BRAF: variants seen among roughly 807,000 people sequenced by gnomAD.
The protein encoded by BRAF is B-Raf proto-oncogene, serine/threonine kinase, also known as serine/threonine-protein kinase B-raf.
A neutral mutation model predicts 104.6 loss-of-function variants in BRAF; 16 were observed. The ratio of observed to expected loss-of-function variants is 0.15; its 90% confidence interval spans 0.10 to 0.23. The LOEUF is 0.23. BRAF is among the 10% of genes least tolerant of loss of function. The probability of loss-of-function intolerance (pLI) is 1.00; values close to 1 mark genes in which losing one functional copy is unlikely to be tolerated. For missense variants in BRAF, 541 were observed against 937.3 expected (o/e 0.58, Z 5.52); for synonymous variants, 310 against 341.6 (o/e 0.91, Z 1.02).
chr7:140,721,730 C>T lies in BRAF; in HGVS notation c.*4764G>A, dbSNP rs1030200112. 1 of 1,516,088 alleles carries T rather than the reference C, an allele frequency of 6.6e-7. No homozygotes were observed. The highest frequency in any genetic ancestry group is 1.4e-5 in the African/African-American group (1 of 71,894). The allele number at this position is 1,516,088 out of a possible 1,614,324, so 93.9% of individuals were successfully genotyped here. The stretch of plus-strand genomic sequence containing the variant: ...GTGCTGGAGACAATACATGGACTTT[C>T]TCTTTCAATGGTGAGGAATGAAACA... On this transcript the variant is annotated 3_prime_UTR_variant, in exon 20 of 20. Coordinates refer to ENST00000644969, the MANE Select transcript of BRAF (RefSeq NM_001374258.1).
intron 17 of BRAF, chr7:140,740,262 C>T: frequency 8.6e-6 from 2 of 233,592 alleles, no homozygotes; most frequent in East Asian, 8.9e-5. Flanking sequence ...GACAGTGCCT[C>T]TTCTTTACTT....
chr7:140,803,985 A>G (rs1406116629), intron 5 of BRAF, among the ~76,000 whole-genome samples: 3 of 152,012 alleles, frequency 2.0e-5, no homozygotes, highest in African/African-American at 7.3e-5. Context: ...CCTGGTTTCA[A>G]GTGATTCTCC....
chr7:140,760,149 A>C (rs1224865555), intron 14 of BRAF, among the ~76,000 whole-genome samples: 1 of 152,214 alleles, frequency 6.6e-6, no homozygotes, highest in Non-Finnish European at 1.5e-5. Flanking sequence ...ACAGTGGATC[A>C]TGCCTGTAAT....
At chr7:140,875,469 G>A (rs997411659) in intron 1 of BRAF, among the ~76,000 whole-genome samples, 25 of 152,148 alleles carry the variant, frequency 1.6e-4, no homozygotes, top group African/African-American at 6.0e-4. Context: ...TCCGCCTCCC[G>A]GGCTCAAGCG....
chr7:140,794,556 G>C, intron 7 of BRAF, 89 bp from the exon 8 acceptor site: 2 of 1,428,290 alleles, frequency 1.4e-6, no homozygotes, highest in Non-Finnish European at 1.9e-6. Context: ...GGATTTTCTT[G>C]TTTTTATATT....
chr7:140,787,940 C>G (rs1210463400), intron 8 of BRAF, among the ~76,000 whole-genome samples: 1 of 152,046 alleles, frequency 6.6e-6, no homozygotes, highest in Non-Finnish European at 1.5e-5. Context: ...ATGATAAGAA[C>G]AAGTGGACAC....
In BRAF at chr7:140,787,433, C is replaced by A. The variant is rs946074871; in HGVS notation, c.1177+115G>T. ...AGAAAAACAAAAAAATTTTGGGTTTCTCTACACATTTTTCTCTGTGTCTGT... is the reference window on the plus strand; with the variant it reads ...AGAAAAACAAAAAAATTTTGGGTTTATCTACACATTTTTCTCTGTGTCTGT... On this transcript the variant is annotated intron_variant, in intron 9 of 19. Transcript: ENST00000644969. The A allele has an allele frequency of 4.4e-6, 5 of 1,144,144 alleles. No individual in the cohort carries two copies. The African/African-American group carries it at 4.7e-5, about 11-fold the overall frequency. The allele number at this position is 1,144,144 out of a possible 1,614,324, so 70.9% of individuals were successfully genotyped here.
rs553041666 is a variant in BRAF, at chr7:140,901,129, C to T, written c.138+23437G>A. ...TAAGCAAAGTGTGTCTATTTCTAAG[C>T]TTCCTATGTTAAAAGAAATTAATAG... On this transcript the variant is annotated intron_variant, in intron 1 of 19. Coordinates refer to ENST00000644969, the MANE Select transcript of BRAF (RefSeq NM_001374258.1). Among the ~76,000 whole-genome samples the T allele has an allele frequency of 3.9e-5, 6 of 152,224 alleles. No homozygotes were observed. In the South Asian group the frequency reaches 1.2e-3, roughly 32 times the overall value.
chr7:140,845,154 A>G (rs975344556), intron 2 of BRAF, among the ~76,000 whole-genome samples: 9 of 152,212 alleles, frequency 5.9e-5, no homozygotes, highest in African/African-American at 2.2e-4. Flanking sequence ...AAGGCCATTC[A>G]GTCTTTTCCA....
chr7:140,922,223 A>C (rs1438418881), intron 1 of BRAF, among the ~76,000 whole-genome samples: 1 of 152,244 alleles, frequency 6.6e-6, no homozygotes, highest in Non-Finnish European at 1.5e-5. Flanking sequence ...GTATCCTTAT[A>C]GTTTCAGAAG....
chr7:140,886,021 C>A (rs1467803430), intron 1 of BRAF, among the ~76,000 whole-genome samples: 1 of 152,136 alleles, frequency 6.6e-6, no homozygotes, highest in African/African-American at 2.4e-5. Context: ...GAAAAATCTT[C>A]AACAGAGTTT....
Position 140,916,360 on chromosome 7 carries a change from A to C in BRAF, c.138+8206T>G, listed in dbSNP as rs562999876. Among the ~76,000 whole-genome samples, 255 of 152,346 alleles carry C rather than the reference A, an allele frequency of 1.7e-3. 2 individuals carry two copies. Among genetic ancestry groups the C allele is most frequent in the Non-Finnish European group, 3.2e-3 (215 of 68,028 alleles). On this transcript the variant is annotated intron_variant, in intron 1 of 19. Transcript: ENST00000644969. ...CTACCATATGCCTTTCCTTAGAAGA[A>C]ACATAATGATTTAATGATGCCCCTA... is the stretch of plus-strand genomic sequence containing the variant.
intron 1 of BRAF, among the ~76,000 whole-genome samples, chr7:140,922,733 T>C (rs938038314): frequency 1.3e-5 from 2 of 152,142 alleles, no homozygotes; most frequent in African/African-American, 4.8e-5. Context: ...TATTTATCCA[T>C]TAAAAACAAT....
At chr7:140,821,474 T>C (rs1805481121) in intron 3 of BRAF, among the ~76,000 whole-genome samples, 1 of 151,464 alleles carries the variant, frequency 6.6e-6, no homozygotes, top group Non-Finnish European at 1.5e-5. Context: ...ATTTTTTTTT[T>C]TGTATTTTTA....
chr7:140,715,517 A>C (rs962346566), downstream of BRAF, among the ~76,000 whole-genome samples: 3 of 152,244 alleles, frequency 2.0e-5, no homozygotes, highest in East Asian at 5.8e-4. Flanking sequence ...CAGTGAACTC[A>C]GGATAATCTC....
chr7:140,714,855 T>C (rs1795102228), downstream of BRAF, among the ~76,000 whole-genome samples: 1 of 152,120 alleles, frequency 6.6e-6, no homozygotes, highest in South Asian at 2.1e-4. Context: ...ATTGAACTTT[T>C]GACTGGTCAG....
At chr7:140,873,448 G>A (rs929539367) in intron 1 of BRAF, among the ~76,000 whole-genome samples, 4 of 152,132 alleles carry the variant, frequency 2.6e-5, no homozygotes, top group Admixed American at 2.6e-4. Flanking sequence ...GAAATAAGAG[G>A]CGTGAGCCAC....
At chr7:140,749,059 A>C in intron 17 of BRAF, 1 of 497,452 alleles carries the variant, frequency 2.0e-6, no homozygotes, top group South Asian at 2.2e-5. Context: ...GTTTCTAGTC[A>C]GAAAATCAGG....
intron 1 of BRAF, among the ~76,000 whole-genome samples, chr7:140,865,833 T>G (rs1219203064): frequency 2.0e-5 from 3 of 152,202 alleles, no homozygotes; most frequent in Non-Finnish European, 4.4e-5. Flanking sequence ...CAGAAACTAT[T>G]CTAACTTAGA....
Sources: gnomAD v4.1 joint callset for allele counts (sites outside exome capture counted in the v4.1 genomes callset) on GRCh38, gnomAD v4.1.1 for gene constraint, MANE v1.5 for transcripts, NCBI Gene and HGNC (gene_info 2026-07-23, HGNC 2026-07-21) for gene names.